FBXO15: variants seen among roughly 807,000 people sequenced by gnomAD.
FBXO15 encodes F-box protein 15, also known as F-box only protein 15.
FBXO15 carries 30 observed loss-of-function variants against 49.5 expected under a neutral mutation model. That is an observed-to-expected ratio of 0.61 (90% CI 0.45 to 0.82). FBXO15 has a LOEUF of 0.82. FBXO15 is among the 40% of genes least tolerant of loss of function. The pLI is 0.00. For synonymous variants in FBXO15, 250 were observed against 232.7 expected, an observed-to-expected ratio of 1.07 and a Z score of -0.68; for missense variants, 591 against 631.5, an observed-to-expected ratio of 0.94 and a Z score of 0.69.
intron 8 of FBXO15, among the ~76,000 whole-genome samples, chr18:74,094,856 T>C (rs867650091): frequency 6.6e-6 from 1 of 152,260 alleles, no homozygotes; most frequent in African/African-American, 2.4e-5. Flanking sequence ...CTCCTTCCCA[T>C]GGAAGACTGT....
At chr18:74,082,183 G>T in intron 8 of FBXO15, 132 bp from the exon 9 acceptor site, 1 of 752,436 alleles carries the variant, frequency 1.3e-6, no homozygotes, top group Non-Finnish European at 2.0e-6. Context: ...GGCAACATGG[G>T]CACAGCAATC....
intron 2 of FBXO15, among the ~76,000 whole-genome samples, chr18:74,136,175 G>C (rs1196696289): frequency 6.6e-6 from 1 of 152,070 alleles, no homozygotes; most frequent in East Asian, 1.9e-4. Context: ...ATGAAACTGT[G>C]TATTTTTTTA....
Position 74,140,249 on chromosome 18 carries a change from T to A in FBXO15, c.180A>T (p.Gly60=). ...AGGAGAAAGAGCTCTCCCAGTGCTG[T>A]CCACCTCCGGCATGGCACCTCAGGG... ...SAALRCHAGG[G]QHWESSFSCC... is the part of the protein sequence containing the mutation. The change falls in exon 2 of 10, where the codon GGA becomes GGT. Residue 60 remains glycine, a synonymous_variant. Transcript: ENST00000419743. The A allele has an allele frequency of 1.3e-6, 2 of 1,551,564 alleles. No individual in the cohort carries two copies. Among genetic ancestry groups the A allele is most frequent in the Non-Finnish European group, 1.7e-6 (2 of 1,146,964 alleles).
At chr18:74,117,039 G>A (rs142047878) in intron 8 of FBXO15, among the ~76,000 whole-genome samples, 4 of 152,078 alleles carry the variant, frequency 2.6e-5, no homozygotes, top group Non-Finnish European at 4.4e-5. Flanking sequence ...ATACCCAAAC[G>A]CAATGACATA....
At chr18:74,088,522 G>A (rs1568158949) in intron 8 of FBXO15, among the ~76,000 whole-genome samples, 2 of 152,114 alleles carry the variant, frequency 1.3e-5, no homozygotes, top group South Asian at 2.1e-4. Flanking sequence ...GGTGTGTGTG[G>A]CATTATTTCT....
chr18:74,142,568 T>G (rs764701495), intron 1 of FBXO15, among the ~76,000 whole-genome samples: 14 of 152,150 alleles, frequency 9.2e-5, no homozygotes, highest in Admixed American at 7.2e-4. Flanking sequence ...CAGAAATCCT[T>G]GGTGTCCCTT....
intron 8 of FBXO15, among the ~76,000 whole-genome samples, chr18:74,088,060 G>T (rs1008016345): frequency 5.3e-5 from 8 of 151,670 alleles, no homozygotes; most frequent in Non-Finnish European, 8.8e-5. Context: ...TTTTAATGGG[G>T]TTTTTTTTGC....
At position 74,138,137 on chromosome 18, in the gene FBXO15, A is replaced by G. The variant is rs532796565; in HGVS notation, c.227+2065T>C. 4.0e-5 allele frequency among the ~76,000 whole-genome samples: 6 copies of G among 151,882 alleles called. No homozygotes were observed. In the South Asian group the frequency reaches 1.3e-3, roughly 32 times the overall value. On this transcript the variant is annotated intron_variant, in intron 2 of 9. Transcript: ENST00000419743. ...TCTTCCTTTGGTTCTCCCCACCCCC[A>G]TCTCTCTGGAGCCGCCACCTAATTT... is the stretch of plus-strand genomic sequence containing the variant.
chr18:74,123,631 C>T (rs1400831557), intron 7 of FBXO15, 121 bp from the exon 8 acceptor site: 4 of 1,051,332 alleles, frequency 3.8e-6, no homozygotes, highest in South Asian at 3.4e-5. Flanking sequence ...ACAAATGAAA[C>T]TCCATAGGAT....
intron 2 of FBXO15, among the ~76,000 whole-genome samples, chr18:74,136,804 G>A (rs889773350): frequency 6.6e-6 from 1 of 152,172 alleles, no homozygotes; most frequent in Non-Finnish European, 1.5e-5. Flanking sequence ...TTCAGCAAAA[G>A]GGCAAGCGGC....
At chr18:74,092,480 T>C (rs768405788) in intron 8 of FBXO15, among the ~76,000 whole-genome samples, 1 of 152,180 alleles carries the variant, frequency 6.6e-6, no homozygotes, top group Non-Finnish European at 1.5e-5. Flanking sequence ...GTTCTTGCAA[T>C]GGTTCTTTCT....
chr18:74,123,234 C>T (rs542862548), intron 8 of FBXO15, 134 bp downstream of exon 8: 41 of 921,046 alleles, frequency 4.5e-5, no homozygotes, highest in South Asian at 1.7e-4. Context: ...GGATGACACA[C>T]GGGTCTGGGA....
intron 8 of FBXO15, among the ~76,000 whole-genome samples, chr18:74,121,406 CA>C (rs202137428): frequency 0.02 from 3,074 of 152,190 alleles, 117 homozygotes; most frequent in African/African-American, 0.069. Flanking sequence ...AAGAAATGTG[CA>C]AAACTAGCAT....
rs1355793358 is a variant in FBXO15 at position 74,082,004 on chromosome 18, T to C, written c.1186A>G (p.Asn396Asp). Residue 396 changes from asparagine (N) to aspartate (D), a missense_variant, in exon 9 of 10, where the codon AAT (asparagine) becomes GAT (aspartate). By Grantham distance (23) the Asn-to-Asp change is conservative. Transcript: ENST00000419743. Reference sequence around the variant, plus strand: ...ATAAGAGGTAGGTGTTCTCTGTTATTTTTTAAATGTATAACAATGAGCTTC... The same window carrying C: ...ATAAGAGGTAGGTGTTCTCTGTTATCTTTTAAATGTATAACAATGAGCTTC... The part of the protein sequence containing the change: ...HVKLIVIHLK[N>D]NREHLPLIGK... 1.9e-6 allele frequency: 3 copies of C among 1,612,756 alleles called. No homozygotes were observed. In the East Asian group the frequency reaches 6.7e-5, roughly 36 times the overall value.
chr18:74,128,524 T>G (rs1349162799), intron 5 of FBXO15, among the ~76,000 whole-genome samples: 1 of 151,986 alleles, frequency 6.6e-6, no homozygotes, highest in Non-Finnish European at 1.5e-5. Context: ...TCCTGAAAAG[T>G]CAAAGAATAC....
chr18:74,111,696 A>G (rs1179754883), intron 8 of FBXO15, among the ~76,000 whole-genome samples: 1 of 152,142 alleles, frequency 6.6e-6, no homozygotes, highest in Non-Finnish European at 1.5e-5. Context: ...TTAAAGCAAT[A>G]ATCAGTAAAA....
intron 1 of FBXO15, among the ~76,000 whole-genome samples, chr18:74,145,828 C>T (rs1480765008): frequency 6.6e-6 from 1 of 152,024 alleles, no homozygotes; most frequent in Non-Finnish European, 1.5e-5. Flanking sequence ...TCGATCTCCT[C>T]ACCTCCAGAT....
chr18:74,111,399 T>C (rs1423580745), intron 8 of FBXO15, among the ~76,000 whole-genome samples: 2 of 151,868 alleles, frequency 1.3e-5, no homozygotes, highest in South Asian at 2.1e-4. Flanking sequence ...AATTCCAAAG[T>C]ACTTGGAGAC....
At chr18:74,145,612 T>TTTTTTTTTTTTTTTTTTTG (rs1979358579) in intron 1 of FBXO15, among the ~76,000 whole-genome samples, 1 of 147,816 alleles carries the variant, frequency 6.8e-6, no homozygotes, top group African/African-American at 2.5e-5. Flanking sequence ...TTTTTTTTTT[T>TTTTTTTTTTTTTTTTTTTG]TTTGCGACAG....
Sources: allele counts gnomAD v4.1 joint callset (sites outside exome capture counted in the v4.1 genomes callset), GRCh38; gene constraint gnomAD v4.1.1; transcripts MANE v1.5; gene names NCBI Gene and HGNC (gene_info 2026-07-23, HGNC 2026-07-21).